CDC14B: variants seen among roughly 807,000 people sequenced by gnomAD.
The protein encoded by CDC14B is dual specificity protein phosphatase CDC14B.
A neutral mutation model predicts 64.2 loss-of-function variants in CDC14B; 22 were observed. That is an observed-to-expected ratio of 0.34 (90% CI 0.24 to 0.49). The LOEUF is 0.49. CDC14B is among the 20% of genes least tolerant of loss of function. The pLI is 0.99. For missense variants in CDC14B, 498 were observed against 629.9 expected, an observed-to-expected ratio of 0.79 and a Z score of 2.24; for synonymous variants, 191 against 215.8, an observed-to-expected ratio of 0.89 and a Z score of 1.01.
Position 96,503,481 on chromosome 9 carries a change from A to C in CDC14B, c.*272T>G. The stretch of plus-strand genomic sequence containing the variant: ...CAGACCAGCCAGCTCCCTGGGTACC[A>C]GAGGGCTTGGGTATTTACACCTGAG... On this transcript the variant is annotated 3_prime_UTR_variant, in exon 14 of 14. Coordinates refer to ENST00000375241, the MANE Select transcript of CDC14B (RefSeq NM_033331.4). 2.2e-6 allele frequency: 1 copy of C among 463,178 alleles called. No homozygotes were observed. 28.7% of individuals were successfully genotyped at this position (463,178 alleles called of 1,614,324 possible). A position where few individuals can be genotyped will look rare whatever the true frequency, so the allele number is the denominator to read the frequency against.
chr9:96,617,738 A>AAC (rs1166684579), intron 1 of CDC14B, among the ~76,000 whole-genome samples: 2 of 152,192 alleles, frequency 1.3e-5, no homozygotes, highest in Non-Finnish European at 2.9e-5. Context: ...CTGTGAGACC[A>AAC]ACTTTTCTGC....
At chr9:96,568,786 G>A (rs958704779) in intron 1 of CDC14B, among the ~76,000 whole-genome samples, 1 of 152,034 alleles carries the variant, frequency 6.6e-6, no homozygotes, top group African/African-American at 2.4e-5. Context: ...TCGTGGTGGT[G>A]CATGCCTGTA....
chr9:96,618,696 G>C (rs1285101151), intron 1 of CDC14B: 6 of 444,814 alleles, frequency 1.3e-5, no homozygotes, highest in African/African-American at 6.0e-5. Context: ...CGCGCCGGAC[G>C]GGCAACGCGG....
downstream of CDC14B, among the ~76,000 whole-genome samples, chr9:96,496,696 C>T (rs1314827350): frequency 6.6e-6 from 1 of 152,238 alleles, no homozygotes; most frequent in Non-Finnish European, 1.5e-5. Context: ...ACCGCCCAGG[C>T]CACCCTGAAG....
chr9:96,580,982 A>G (rs554868256), intron 1 of CDC14B, among the ~76,000 whole-genome samples: 175 of 152,358 alleles, frequency 1.1e-3, no homozygotes, highest in African/African-American at 3.9e-3. Flanking sequence ...CTGTCATCCC[A>G]GCACTTCGGG....
intron 12 of CDC14B, among the ~76,000 whole-genome samples, chr9:96,520,186 A>G (rs569380574): frequency 6.6e-6 from 1 of 152,244 alleles, no homozygotes; most frequent in Non-Finnish European, 1.5e-5. Context: ...GTCTATACAC[A>G]TAACTCAGAG....
At chr9:96,616,152 C>T (rs1288531067) in intron 1 of CDC14B, among the ~76,000 whole-genome samples, 2 of 151,688 alleles carry the variant, frequency 1.3e-5, no homozygotes, top group South Asian at 2.1e-4. Flanking sequence ...ATAGTGAAAC[C>T]CCATCTCTAC....
intron 1 of CDC14B, among the ~76,000 whole-genome samples, chr9:96,609,668 T>C (rs1588076739): frequency 6.6e-6 from 1 of 152,232 alleles, no homozygotes; most frequent in Non-Finnish European, 1.5e-5. Context: ...TTTGTAATGA[T>C]AGTATTGCAT....
Position 96,539,089 on chromosome 9 carries a change from C to A in CDC14B, c.616G>T (p.Glu206Ter). 1.9e-6 allele frequency: 3 copies of A among 1,604,264 alleles called. No individual in the cohort carries two copies. The South Asian group carries it at 3.3e-5, about 18-fold the overall frequency. ...NFNSFNLDEYEHYEKAENGDL... is the reference protein window; with the variant it reads ...NFNSFNLDEY ...CCTTGAAGACTTACTTCATAGTGTT[C>A]ATATTCATCAAGGTTAAATGAGTTG... Residue 206 changes from glutamate to a stop codon, truncating the protein, a stop_gained, in exon 7 of 14, where the codon GAA becomes TAA. Transcript: ENST00000375241. LOFTEE classifies it high-confidence loss of function.
chr9:96,609,314 A>C (rs1847165598), intron 1 of CDC14B, among the ~76,000 whole-genome samples: 1 of 152,154 alleles, frequency 6.6e-6, no homozygotes, highest in African/African-American at 2.4e-5. Flanking sequence ...TCCAACACAC[A>C]ATTCTTTCAA....
chr9:96,613,133 C>G (rs1028235435), intron 1 of CDC14B, among the ~76,000 whole-genome samples: 28 of 152,302 alleles, frequency 1.8e-4, no homozygotes, highest in African/African-American at 6.5e-4. Flanking sequence ...CATTGTGGCC[C>G]AATTTTATCT....
intron 1 of CDC14B, among the ~76,000 whole-genome samples, chr9:96,597,331 T>TA (rs1846149053): frequency 6.6e-6 from 1 of 151,708 alleles, no homozygotes; most frequent in African/African-American, 2.4e-5. Context: ...CCGTCTCTAC[T>TA]AAAAATACAA....
At chr9:96,494,512 G>C (rs1833167319) in intron 13 of CDC14B, among the ~76,000 whole-genome samples, 1 of 151,650 alleles carries the variant, frequency 6.6e-6, no homozygotes, top group South Asian at 2.1e-4. Flanking sequence ...GCCCAGCCCA[G>C]CTTTTCTGCA....
At chr9:96,617,232 C>T (rs1847688315) in intron 1 of CDC14B, among the ~76,000 whole-genome samples, 1 of 151,622 alleles carries the variant, frequency 6.6e-6, no homozygotes, top group South Asian at 2.1e-4. Context: ...TGTAACGCAC[C>T]CCTCCTCAGT....
intron 1 of CDC14B, chr9:96,566,866 C>T (rs16911303): frequency 1.0e-5 from 16 of 1,578,556 alleles, no homozygotes; most frequent in East Asian, 2.3e-5. Context: ...TGCCAGCCGC[C>T]GAGAGGGGAG....
At chr9:96,594,143 GCAAT>G (rs1189963356) in intron 1 of CDC14B, among the ~76,000 whole-genome samples, 1 of 151,656 alleles carries the variant, frequency 6.6e-6, no homozygotes, top group African/African-American at 2.4e-5. Flanking sequence ...AAGGACACAG[GCAAT>G]CCCTGAGACA....
At chr9:96,603,186 A>G (rs1846622981) in intron 1 of CDC14B, among the ~76,000 whole-genome samples, 1 of 151,900 alleles carries the variant, frequency 6.6e-6, no homozygotes. Context: ...ACACACACAC[A>G]CACACAAATA....
intron 6 of CDC14B, 118 bp downstream of exon 6, chr9:96,541,708 C>A: frequency 1.8e-6 from 1 of 563,324 alleles, no homozygotes; most frequent in South Asian, 4.5e-5. Flanking sequence ...GCACCTCTGT[C>A]ACCATAGGCA....
intron 12 of CDC14B, among the ~76,000 whole-genome samples, chr9:96,517,561 A>G (rs1430709639): frequency 1.5e-5 from 2 of 132,700 alleles, no homozygotes; most frequent in Non-Finnish European, 3.2e-5. Flanking sequence ...GGAGAATGGC[A>G]TGAACCTGGG....
Sources: allele counts gnomAD v4.1 joint callset (sites outside exome capture counted in the v4.1 genomes callset), GRCh38; gene constraint gnomAD v4.1.1; transcripts MANE v1.5; gene names NCBI Gene and HGNC (gene_info 2026-07-23, HGNC 2026-07-21).